VPS13A: variants seen among roughly 807,000 people sequenced by gnomAD.
VPS13A encodes the protein intermembrane lipid transfer protein VPS13A.
A neutral mutation model predicts 390.9 loss-of-function variants in VPS13A; 264 were observed. That is an observed-to-expected ratio of 0.68 (90% confidence interval 0.61 to 0.75). VPS13A has a LOEUF of 0.75. VPS13A is among the 30% of genes least tolerant of loss of function. VPS13A has a pLI of 0.00. For missense variants in VPS13A, 3,409 were observed against 3,733.9 expected, an observed-to-expected ratio of 0.91 and a Z score of 2.27; for synonymous variants, 1,231 against 1,227.1, an observed-to-expected ratio of 1.00 and a Z score of -0.07.
intron 32 of VPS13A, 98 bp from the exon 33 acceptor site, chr9:77,295,444 G>GT (rs1281374832): frequency 5.8e-4 from 627 of 1,078,818 alleles, no homozygotes; most frequent in South Asian, 9.5e-4. Flanking sequence ...TCAAGTAAAA[G>GT]TTTTTTTTTA....
chr9:77,381,634 A>G (rs377039561), intron 67 of VPS13A, among the ~76,000 whole-genome samples: 10 of 152,130 alleles, frequency 6.6e-5, no homozygotes, highest in South Asian at 6.2e-4. Flanking sequence ...AAACTCTTAG[A>G]AGCTTTCCGT....
At chr9:77,317,043 C>T (rs943250923) in intron 39 of VPS13A, among the ~76,000 whole-genome samples, 3 of 151,824 alleles carry the variant, frequency 2.0e-5, no homozygotes, top group Admixed American at 1.3e-4. Flanking sequence ...TTGTTTGTTT[C>T]TTTGTATTTT....
intron 31 of VPS13A, among the ~76,000 whole-genome samples, chr9:77,284,063 G>T (rs1228817066): frequency 6.6e-6 from 1 of 150,626 alleles, no homozygotes; most frequent in East Asian, 2.0e-4. Context: ...TTTTTATAAA[G>T]CTTATTGTCA....
chr9:77,261,505 A>G (rs1214129771), intron 23 of VPS13A, among the ~76,000 whole-genome samples: 1 of 151,656 alleles, frequency 6.6e-6, no homozygotes, highest in Non-Finnish European at 1.5e-5. Flanking sequence ...ACTTTTATTC[A>G]TAGGATAAAT....
At chr9:77,371,666 T>A (rs1283998948) in intron 67 of VPS13A, among the ~76,000 whole-genome samples, 1 of 151,062 alleles carries the variant, frequency 6.6e-6, no homozygotes, top group Non-Finnish European at 1.5e-5. Flanking sequence ...TTTTTTTTTT[T>A]ATTATTATAC....
intron 3 of VPS13A, among the ~76,000 whole-genome samples, chr9:77,203,663 T>C (rs56003362): frequency 0.055 from 8,340 of 152,346 alleles, 340 homozygotes; most frequent in Middle Eastern, 0.12. Context: ...TTTTACAGTT[T>C]TGTAATTGCT....
At chr9:77,205,145 C>G (rs1190078491) in intron 3 of VPS13A, among the ~76,000 whole-genome samples, 168 bp from the exon 4 acceptor site, 1 of 152,104 alleles carries the variant, frequency 6.6e-6, no homozygotes, top group African/African-American at 2.4e-5. Flanking sequence ...TTACAACAAA[C>G]ACTTGTTGTT....
At chr9:77,180,266 T>A (rs543561738) in intron 1 of VPS13A, among the ~76,000 whole-genome samples, 1 of 152,390 alleles carries the variant, frequency 6.6e-6, no homozygotes, top group African/African-American at 2.4e-5. Flanking sequence ...ATGCTGACTT[T>A]GTGTAACCTT....
At chr9:77,295,492 TAA>T in intron 32 of VPS13A, 48 bp from the exon 33 acceptor site, 1 of 1,428,540 alleles carries the variant, frequency 7.0e-7, no homozygotes, top group Non-Finnish European at 9.3e-7. Flanking sequence ...ATATATTTAA[TAA>T]GTCGTATTTA....
chr9:77,264,038 C>G (rs968169206), intron 23 of VPS13A, among the ~76,000 whole-genome samples: 1 of 151,742 alleles, frequency 6.6e-6, no homozygotes, highest in East Asian at 1.9e-4. Flanking sequence ...TCAGATTTGT[C>G]TTTAAATAGG....
intron 19 of VPS13A, among the ~76,000 whole-genome samples, chr9:77,243,070 A>G (rs983555769): frequency 6.6e-6 from 1 of 152,186 alleles, no homozygotes; most frequent in African/African-American, 2.4e-5. Flanking sequence ...GAAGAGACTC[A>G]TATATATTAT....
chr9:77,262,938 G>T (rs1037518243), intron 23 of VPS13A, among the ~76,000 whole-genome samples: 2 of 151,972 alleles, frequency 1.3e-5, no homozygotes, highest in African/African-American at 2.4e-5. Context: ...TAATCCTTTG[G>T]GTATGTACCC....
intron 22 of VPS13A, among the ~76,000 whole-genome samples, chr9:77,253,070 A>G (rs969592422): frequency 6.6e-6 from 1 of 152,198 alleles, no homozygotes; most frequent in Admixed American, 6.5e-5. Flanking sequence ...TTTTTATAGC[A>G]GTTACACCAT....
At chr9:77,268,359 C>T (rs1027777044) in intron 23 of VPS13A, among the ~76,000 whole-genome samples, 14 of 152,124 alleles carry the variant, frequency 9.2e-5, no homozygotes, top group African/African-American at 7.2e-5. Flanking sequence ...GTGCACCGTT[C>T]CTCATGGCAC....
chr9:77,323,839 G>A (rs1428167154), intron 45 of VPS13A, among the ~76,000 whole-genome samples: 1 of 152,030 alleles, frequency 6.6e-6, no homozygotes, highest in Admixed American at 6.6e-5. Flanking sequence ...GTATGTATGT[G>A]TCAACTTATG....
chr9:77,327,465 T>G (rs1432184355), intron 45 of VPS13A, among the ~76,000 whole-genome samples: 1 of 152,128 alleles, frequency 6.6e-6, no homozygotes, highest in African/African-American at 2.4e-5. Context: ...TATAGTACAG[T>G]TAAGATTATT....
intron 61 of VPS13A, 88 bp downstream of exon 61, chr9:77,366,960 A>C (rs987789454): frequency 1.5e-6 from 2 of 1,376,362 alleles, no homozygotes; most frequent in African/African-American, 1.4e-5. Flanking sequence ...AAGTGTGTGA[A>C]GTACGTTGCA....
Position 77,295,647 on chromosome 9 carries a change from T to G in VPS13A, c.3613T>G (p.Ser1205Ala), listed in dbSNP as rs766845304. The stretch of plus-strand genomic sequence containing the variant: ...TGTAAAAGAACTCGCACAAAGGAGT[T>G]CCAGAATGGCACTGGATATTAACAT... The part of the protein sequence containing the change: ...TGVKELAQRS[S>A]RMALDINIKA... Residue 1205 changes from serine (S) to alanine (A), a missense_variant, in exon 33 of 72, where the codon TCC (serine) becomes GCC (alanine). Around this residue, in one of 5 missense-constraint regions of VPS13A, gnomAD observed 2,717 missense variants for 2,917.4 expected, o/e 0.93. Coordinates refer to ENST00000360280, the MANE Select transcript of VPS13A (RefSeq NM_033305.3). 1.2e-6 allele frequency: 2 copies of G among 1,613,898 alleles called. No individual in the cohort carries two copies. Among genetic ancestry groups the G allele is most frequent in the Non-Finnish European group, 1.7e-6 (2 of 1,179,946 alleles).
At chr9:77,246,168 C>A (rs1312670375) in intron 19 of VPS13A, among the ~76,000 whole-genome samples, 1 of 152,084 alleles carries the variant, frequency 6.6e-6, no homozygotes, top group African/African-American at 2.4e-5. Context: ...AACTGTAGCA[C>A]AGGCTTAGGT....
Sources: gnomAD v4.1 joint callset for allele counts (sites outside exome capture counted in the v4.1 genomes callset) on GRCh38, gnomAD v4.1.1 for gene constraint, gnomAD v4.1.1 regional missense constraint, MANE v1.5 for transcripts, NCBI Gene and HGNC (gene_info 2026-07-23, HGNC 2026-07-21) for gene names.